The following MSH3 variants were observed in gnomAD, a reference collection of about 807,000 sequenced individuals.
MSH3 encodes the protein DNA mismatch repair protein Msh3.
MSH3 carries 106 observed loss-of-function variants against 123.3 expected under a neutral mutation model. The ratio of observed to expected loss-of-function variants is 0.86; its 90% confidence interval spans 0.73 to 1.01. MSH3 has a LOEUF of 1.01. Ranked by LOEUF, MSH3 falls within the 50% of genes least tolerant of loss-of-function variation. The pLI, the probability that MSH3 is intolerant of heterozygous loss-of-function variation, is 0.00. For synonymous variants in MSH3, 515 were observed against 481.4 expected, an observed-to-expected ratio of 1.07 and a Z score of -0.91; for missense variants, 1,459 against 1,347.6, an observed-to-expected ratio of 1.08 and a Z score of -1.29.
chr5:80,819,456 G>GTGTT (rs1745165202), intron 20 of MSH3, among the ~76,000 whole-genome samples: 1 of 145,716 alleles, frequency 6.9e-6, no homozygotes, highest in East Asian at 2.0e-4. Flanking sequence ...ATGTGTGTGT[G>GTGTT]TGTGTGTGTG....
intron 19 of MSH3, among the ~76,000 whole-genome samples, chr5:80,808,618 A>G (rs1014935023): frequency 2.0e-5 from 3 of 151,990 alleles, no homozygotes; most frequent in African/African-American, 4.8e-5. Flanking sequence ...TTCTATATAT[A>G]CAAAGAATTG....
At position 80,689,886 on chromosome 5, in the gene MSH3, C is replaced by G. The variant is rs541879085; in HGVS notation, c.1340+10793C>G. On this transcript the variant is annotated intron_variant, in intron 8 of 23. Transcript: ENST00000265081. ...ATGCTGTGTAAAGGCTCAAACCTTT[C>G]CTGCATGATTTTTTTAAAGAGTAGG... Among the ~76,000 whole-genome samples the G allele has an allele frequency of 3.9e-5, 6 of 152,066 alleles. No individual in the cohort carries two copies. In the South Asian group the frequency reaches 6.2e-4, roughly 16 times the overall value.
At chr5:80,833,365 A>G (rs547708974) in intron 20 of MSH3, among the ~76,000 whole-genome samples, 42 of 152,340 alleles carry the variant, frequency 2.8e-4, no homozygotes, top group African/African-American at 9.1e-4. Flanking sequence ...AATCTCTAAC[A>G]TATTTTAACA....
chr5:80,771,032 T>C (rs1035898895), intron 15 of MSH3, among the ~76,000 whole-genome samples: 7 of 152,200 alleles, frequency 4.6e-5, no homozygotes, highest in Non-Finnish European at 7.3e-5. Context: ...TTCTTCGTTA[T>C]TGATAGTAGG....
rs1341844785 is a variant in MSH3 at position 80,768,000 on chromosome 5, T to C, written c.1964T>C (p.Ile655Thr). ...LYHLKSEFQAIIPAVNSHIQS... is the reference protein window; with the variant it reads ...LYHLKSEFQATIPAVNSHIQS... ...CACCTAAAGTCAGAATTTCAAGCAA[T>C]AATACCTGCTGTTAATTCCCACATT... The change falls in exon 14 of 24, where the codon ATA becomes ACA. Residue 655 changes from isoleucine (I) to threonine (T), a missense_variant. By Grantham distance (89) the Ile-to-Thr change is moderately conservative. Transcript: ENST00000265081. 26 of 1,613,458 alleles carry C rather than the reference T, an allele frequency of 1.6e-5. No individual in the cohort carries two copies. Among genetic ancestry groups the C allele is most frequent in the Non-Finnish European group, 2.2e-5 (26 of 1,179,582 alleles).
At chr5:80,852,672 A>G (rs1745849198) in intron 20 of MSH3, among the ~76,000 whole-genome samples, 1 of 152,232 alleles carries the variant, frequency 6.6e-6, no homozygotes, top group South Asian at 2.1e-4. Context: ...AGGTGGCAAC[A>G]TTTCAGAAAT....
At chr5:80,791,171 TAGAC>T (rs3073778) in intron 18 of MSH3, among the ~76,000 whole-genome samples, 17,831 of 152,126 alleles carry the variant, frequency 0.12, 1,465 homozygotes, top group East Asian at 0.32. Context: ...TTACAATTTA[TAGAC>T]AGACAGGAGA....
intron 2 of MSH3, among the ~76,000 whole-genome samples, chr5:80,663,355 C>T (rs962665504): frequency 3.3e-5 from 5 of 152,172 alleles, no homozygotes; most frequent in Non-Finnish European, 7.3e-5. Context: ...GCAGTTTCAG[C>T]AGCTAGGCTT....
chr5:80,826,839 G>A (rs1355340077), intron 20 of MSH3, among the ~76,000 whole-genome samples: 3 of 74,992 alleles, frequency 4.0e-5, no homozygotes, highest in Non-Finnish European at 9.2e-5. Context: ...GTGAGCCACC[G>A]CGCCCGGCCT....
At chr5:80,663,825 A>C (rs1325380098) in intron 2 of MSH3, among the ~76,000 whole-genome samples, 1 of 152,190 alleles carries the variant, frequency 6.6e-6, no homozygotes, top group Non-Finnish European at 1.5e-5. Flanking sequence ...GGAAACAAAA[A>C]GTACACTCCA....
At chr5:80,779,745 T>C (rs1224573155) in intron 17 of MSH3, among the ~76,000 whole-genome samples, 1 of 151,754 alleles carries the variant, frequency 6.6e-6, no homozygotes, top group Non-Finnish European at 1.5e-5. Context: ...TTTGTATTTT[T>C]AATAGAGACG....
Position 80,654,928 on chromosome 5 carries a change from AGCTCCC to A in MSH3, c.204_209del (p.Pro69_Ala70del), listed in dbSNP as rs1188244212. Reference sequence around the variant, plus strand: ...CGGCCGCAGCGCCCCCAGCGCCCCCAGCTCCCGCCTTCCCGCCCCAGCTGCCGCCGC... The same window carrying A: ...CGGCCGCAGCGCCCCCAGCGCCCCCAGCCTTCCCGCCCCAGCTGCCGCCGC... On this transcript the variant is annotated inframe_deletion, in exon 1 of 24. Transcript: ENST00000265081. 1.2e-6 allele frequency: 1 copy of A among 812,276 alleles called. No homozygotes were observed. Among genetic ancestry groups the A allele is most frequent in the Middle Eastern group, 5.2e-4 (1 of 1,910 alleles). 50.3% of individuals were successfully genotyped at this position (812,276 alleles called of 1,614,324 possible).
chr5:80,750,540 AT>A (rs34381150), intron 12 of MSH3, among the ~76,000 whole-genome samples: 51,211 of 151,976 alleles, frequency 0.34, 9,114 homozygotes, highest in South Asian at 0.42. Flanking sequence ...GGAATCGTCT[AT>A]TCAGACCTTT....
rs372431614 is a variant in MSH3, at chr5:80,778,787, C to A, written c.2386C>A (p.Arg796=). The change falls in exon 17 of 24, where the codon CGG becomes AGG. Residue 796 remains arginine, a synonymous_variant. Coordinates refer to ENST00000265081, the MANE Select transcript of MSH3 (RefSeq NM_002439.5). ...VENYRHLNQL[R]EQLVLDCSAE... ...AAATTACAGACATCTGAATCAGCTC[C>A]GGGAGCAGCTAGTCCTTGACTGCAG... 4 of 1,612,736 alleles carry A rather than the reference C, an allele frequency of 2.5e-6. No individual in the cohort carries two copies. The highest frequency in any genetic ancestry group is 3.4e-6 in the Non-Finnish European group (4 of 1,178,812).
At chr5:80,726,515 G>A (rs548760646) in intron 9 of MSH3, among the ~76,000 whole-genome samples, 9 of 152,140 alleles carry the variant, frequency 5.9e-5, no homozygotes, top group South Asian at 2.1e-4. Flanking sequence ...CACCCAGGCC[G>A]GAGTACAGTG....
At chr5:80,675,196 T>C in intron 7 of MSH3, 68 bp downstream of exon 7, 1 of 1,509,106 alleles carries the variant, frequency 6.6e-7, no homozygotes, top group Non-Finnish European at 9.2e-7. Context: ...ATCTATCATG[T>C]ATGGTTTATA....
intron 2 of MSH3, among the ~76,000 whole-genome samples, chr5:80,660,393 C>T (rs1210386911): frequency 6.6e-6 from 1 of 152,140 alleles, no homozygotes; most frequent in Non-Finnish European, 1.5e-5. Context: ...CCCATGATTC[C>T]TCCCACTGGG....
intron 21 of MSH3, among the ~76,000 whole-genome samples, chr5:80,862,228 G>C (rs1362209205): frequency 2.0e-5 from 3 of 152,126 alleles, no homozygotes; most frequent in Non-Finnish European, 4.4e-5. Flanking sequence ...CCTCGGGGCA[G>C]ATTTTAAGCA....
At chr5:80,737,358 A>T (rs918485631) in intron 10 of MSH3, among the ~76,000 whole-genome samples, 1 of 152,090 alleles carries the variant, frequency 6.6e-6, no homozygotes, top group Non-Finnish European at 1.5e-5. Flanking sequence ...GGTTAGAGTA[A>T]TATGGAGTTG....
Sources: allele counts gnomAD v4.1 joint callset (sites outside exome capture counted in the v4.1 genomes callset), GRCh38; gene constraint gnomAD v4.1.1; transcripts MANE v1.5; gene names NCBI Gene and HGNC (gene_info 2026-07-23, HGNC 2026-07-21).